CCSER2: variants seen among roughly 807,000 people sequenced by gnomAD.
CCSER2 encodes the protein coiled-coil serine rich protein 2.
CCSER2 carries 46 observed loss-of-function variants against 92.3 expected under a neutral mutation model. The ratio of observed to expected loss-of-function variants is 0.50; its 90% CI spans 0.39 to 0.64. The LOEUF is 0.64. Ranked by LOEUF, CCSER2 falls within the 30% of genes least tolerant of loss-of-function variation. The pLI is 0.00. For synonymous variants in CCSER2, 433 were observed against 431.4 expected, an observed-to-expected ratio of 1.00 and a Z score of -0.04; for missense variants, 1,244 against 1,238.9, an observed-to-expected ratio of 1.00 and a Z score of -0.06.
intron 1 of CCSER2, among the ~76,000 whole-genome samples, chr10:84,370,098 G>T (rs1344581254): frequency 6.6e-6 from 1 of 151,766 alleles, no homozygotes; most frequent in Non-Finnish European, 1.5e-5. Context: ...CTCCAGATTT[G>T]GTTTTTTGTT....
chr10:84,359,050 A>G (rs1845356232), intron 1 of CCSER2, among the ~76,000 whole-genome samples: 1 of 152,148 alleles, frequency 6.6e-6, no homozygotes, highest in South Asian at 2.1e-4. Context: ...CTTCAGAAAG[A>G]TTCCTGTAAC....
intron 9 of CCSER2, among the ~76,000 whole-genome samples, chr10:84,498,382 CA>C (rs1848558347): frequency 6.6e-6 from 1 of 151,802 alleles, no homozygotes; most frequent in Non-Finnish European, 1.5e-5. Flanking sequence ...ATAATAATTT[CA>C]AAAGATAAGA....
In CCSER2 at chr10:84,470,447, G is replaced by T; in HGVS notation, c.2224G>T (p.Glu742Ter). 1 of 1,413,216 alleles carries T rather than the reference G, an allele frequency of 7.1e-7. No homozygotes were observed. The highest frequency in any genetic ancestry group is 1.4e-5 in the South Asian group (1 of 72,556). The allele number at this position is 1,413,216 out of a possible 1,614,324, so 87.5% of individuals were successfully genotyped here. The stretch of plus-strand genomic sequence containing the variant: ...AAAAGATGAAAAGATCCAACTATTA[G>T]AACTTCAGCTTGTAAGTATTGTAGT... The part of the protein sequence containing the change: ...KKKDEKIQLL[E>*]LQLATQHICH... The change falls in exon 8 of 10, where the codon GAA becomes TAA. Residue 742 changes from glutamate to a stop codon, truncating the protein, a stop_gained. Transcript: ENST00000372088. LOFTEE classifies it high-confidence loss of function.
intron 8 of CCSER2, among the ~76,000 whole-genome samples, chr10:84,477,279 C>T (rs1368179880): frequency 6.6e-6 from 1 of 152,136 alleles, no homozygotes; most frequent in East Asian, 1.9e-4. Context: ...CTCAAACCCA[C>T]TCCCTGAATA....
intron 6 of CCSER2, among the ~76,000 whole-genome samples, chr10:84,441,428 T>C (rs1413046993): frequency 6.6e-6 from 1 of 152,228 alleles, no homozygotes; most frequent in Non-Finnish European, 1.5e-5. Flanking sequence ...TGTTTCATTT[T>C]ATTGAGAATT....
chr10:84,365,213 T>A (rs2133136447), intron 1 of CCSER2, among the ~76,000 whole-genome samples: 1 of 152,326 alleles, frequency 6.6e-6, no homozygotes, highest in South Asian at 2.1e-4. Context: ...TCTCAGAGAT[T>A]ATATCATTAG....
chr10:84,477,583 G>A lies in CCSER2; in HGVS notation c.2244G>A (p.Gln748=), dbSNP rs1847225431. Reference sequence around the variant, plus strand: ...TTTGTGTTTTTGTTTAGGCAACTCAGCATATCTGCCACCAAAAATGTAAAG... The same window carrying A: ...TTTGTGTTTTTGTTTAGGCAACTCAACATATCTGCCACCAAAAATGTAAAG... ...IQLLELQLAT[Q]HICHQKCKEE... is the part of the protein sequence containing the mutation. Residue 748 remains glutamine (Q), a synonymous_variant, in exon 9 of 10, where the codon CAG becomes CAA. Coordinates refer to ENST00000372088, the MANE Select transcript of CCSER2 (RefSeq NM_001284240.2). 6.2e-7 allele frequency: 1 copy of A among 1,606,886 alleles called. No individual in the cohort carries two copies.
chr10:84,485,584 A>G (rs1055941770), intron 9 of CCSER2, among the ~76,000 whole-genome samples: 15 of 152,178 alleles, frequency 9.9e-5, no homozygotes, highest in Non-Finnish European at 2.2e-4. Flanking sequence ...GTACTGTTCC[A>G]TGATATGGGT....
At position 84,487,417 on chromosome 10, in the gene CCSER2, C is replaced by T. The variant is rs370765438; in HGVS notation, c.2325+9753C>T. 5.5e-4 allele frequency among the ~76,000 whole-genome samples: 84 copies of T among 152,250 alleles called. No homozygotes were observed. The East Asian group carries it at 5.6e-3, about 10-fold the overall frequency. Reference sequence around the variant, plus strand: ...CATTTGTTAGTGTCCTCTTTTATTTCGTTGGGCAGTGGTTTGTAGTTCTCC... The same window carrying T: ...CATTTGTTAGTGTCCTCTTTTATTTTGTTGGGCAGTGGTTTGTAGTTCTCC... On this transcript the variant is annotated intron_variant, in intron 9 of 9. Transcript: ENST00000372088.
At chr10:84,429,662 G>T (rs77215942) in intron 5 of CCSER2, among the ~76,000 whole-genome samples, 1 of 133,268 alleles carries the variant, frequency 7.5e-6, no homozygotes, top group African/African-American at 2.9e-5. Flanking sequence ...TTTTTCTTTG[G>T]CTTTCAACAG....
intron 3 of CCSER2, among the ~76,000 whole-genome samples, chr10:84,384,114 A>G (rs1276563403): frequency 6.6e-6 from 1 of 152,202 alleles, no homozygotes; most frequent in East Asian, 1.9e-4. Context: ...ATGAATAATG[A>G]AATTGAATTA....
At chr10:84,432,304 A>G (rs1025717889) in intron 5 of CCSER2, among the ~76,000 whole-genome samples, 1 of 152,182 alleles carries the variant, frequency 6.6e-6, no homozygotes, top group Non-Finnish European at 1.5e-5. Flanking sequence ...TGTATCACAT[A>G]TACATGGATA....
In CCSER2 at chr10:84,371,016, T is replaced by G. The variant is rs1846033155; in HGVS notation, c.-37T>G. On this transcript the variant is annotated splice_region_variant and 5_prime_UTR_variant, in exon 2 of 10. In the 5' UTR this introduces an upstream ATG that the reference lacks. Transcript: ENST00000372088. ...GTACTTCTTTTTTCTCTTCACAGAT[T>G]CTTTCAACTTTTAAGAACAAATGCA... 1 of 1,336,946 alleles carries G rather than the reference T, an allele frequency of 7.5e-7. No individual in the cohort carries two copies. Among genetic ancestry groups the G allele is most frequent in the East Asian group, 2.3e-5 (1 of 42,716 alleles). 82.8% of individuals were successfully genotyped at this position (1,336,946 alleles called of 1,614,324 possible).
intron 9 of CCSER2, among the ~76,000 whole-genome samples, chr10:84,500,900 A>G (rs371464325): frequency 6.6e-6 from 1 of 152,184 alleles, no homozygotes; most frequent in African/African-American, 2.4e-5. Flanking sequence ...AGAAAATTTT[A>G]TTTCTTGAAT....
In CCSER2 at chr10:84,371,490, A is replaced by G; in HGVS notation, c.438A>G (p.Pro146=). The G allele has an allele frequency of 6.2e-7, 1 of 1,613,908 alleles. No individual in the cohort carries two copies. The highest frequency in any genetic ancestry group is 1.1e-5 in the South Asian group (1 of 91,076). The stretch of plus-strand genomic sequence containing the variant: ...TAAACCAAAAGTCTTTTTCTGGACC[A>G]TCTAATTTGGGTAAATTCACCAAAG... The part of the protein sequence containing the change: ...EELNQKSFSG[P]SNLGKFTKGT... The change falls in exon 2 of 10, where the codon CCA becomes CCG. Residue 146 remains proline, a synonymous_variant. Transcript: ENST00000372088.
chr10:84,360,423 T>C (rs1226832291), intron 1 of CCSER2, among the ~76,000 whole-genome samples: 2 of 152,242 alleles, frequency 1.3e-5, no homozygotes, highest in Non-Finnish European at 2.9e-5. Context: ...CTTTTATCAA[T>C]TTGTAGAATA....
chr10:84,362,981 T>G (rs985733125), intron 1 of CCSER2, among the ~76,000 whole-genome samples: 3 of 151,082 alleles, frequency 2.0e-5, no homozygotes, highest in Non-Finnish European at 4.4e-5. Context: ...GAATTACAGG[T>G]GCCTGCCACC....
intron 1 of CCSER2, among the ~76,000 whole-genome samples, chr10:84,366,188 T>G (rs1002475559): frequency 6.6e-6 from 1 of 152,102 alleles, no homozygotes; most frequent in East Asian, 1.9e-4. Flanking sequence ...AAGCGATCCT[T>G]TCGCCTCAGC....
At chr10:84,513,362 G>A in intron 9 of CCSER2, 87 bp from the exon 10 acceptor site, 1 of 1,019,634 alleles carries the variant, frequency 9.8e-7, no homozygotes, top group South Asian at 1.6e-5. Flanking sequence ...GCCATAATAA[G>A]TACCAACACA....
Sources: allele counts gnomAD v4.1 joint callset (sites outside exome capture counted in the v4.1 genomes callset), GRCh38; gene constraint gnomAD v4.1.1; transcripts MANE v1.5; gene names NCBI Gene and HGNC (gene_info 2026-07-23, HGNC 2026-07-21).